ZNF296: variants seen among roughly 807,000 people sequenced by gnomAD.
The protein encoded by ZNF296 is zinc finger protein 296.
ZNF296 carries 1 observed loss-of-function variant against 13.2 expected under a neutral mutation model. The observed-to-expected ratio is 0.08, with a 90% confidence interval of 0.03 to 0.36. The LOEUF is 0.36. Ranked by LOEUF, ZNF296 falls within the 10% of genes least tolerant of loss-of-function variation. ZNF296 has a pLI of 0.99. For synonymous variants in ZNF296, 303 were observed against 289.0 expected (o/e 1.05, Z -0.49); for missense variants, 555 against 688.2 (o/e 0.81, Z 2.16).
At chr19:45,072,973 A>ATCC in intron 2 of ZNF296, among the ~76,000 whole-genome samples, 1 of 152,062 alleles carries the variant, frequency 6.6e-6, no homozygotes, top group Admixed American at 6.5e-5. Flanking sequence ...GCTGGTCTCG[A>ATCC]ACTCTTGGCC....
chr19:45,074,459 C>T (rs147075075), intron 2 of ZNF296, among the ~76,000 whole-genome samples: 1 of 152,132 alleles, frequency 6.6e-6, no homozygotes, highest in African/African-American at 2.4e-5. Flanking sequence ...TCAAATTGAG[C>T]CCCCAAACCT....
intron 2 of ZNF296, 116 bp from the exon 3 acceptor site, chr19:45,072,696 T>G: frequency 7.7e-7 from 1 of 1,305,994 alleles, no homozygotes; most frequent in Non-Finnish European, 1.0e-6. Flanking sequence ...ACACACACCC[T>G]GGAAGGACCA....
intron 2 of ZNF296, 62 bp from the exon 3 acceptor site, chr19:45,072,642 G>T: frequency 1.3e-6 from 2 of 1,522,284 alleles, no homozygotes; most frequent in East Asian, 4.5e-5. Flanking sequence ...CCTTCTGTGG[G>T]ATAGGCACTC....
In ZNF296 at chr19:45,071,575, G is replaced by T. The variant is rs774175373; in HGVS notation, c.*26C>A. ...CAATGGGTGTTGGCAGCGGTACCAG[G>T]GACAGTGAGGGGGGCTTTCCTGGGC... On this transcript the variant is annotated 3_prime_UTR_variant, in exon 3 of 3. Transcript: ENST00000303809. 24 of 1,504,888 alleles carry T rather than the reference G, an allele frequency of 1.6e-5. No homozygotes were observed. Among genetic ancestry groups the T allele is most frequent in the Non-Finnish European group, 2.0e-5 (23 of 1,136,598 alleles). The allele number at this position is 1,504,888 out of a possible 1,614,324, so 93.2% of individuals were successfully genotyped here. A position where few individuals can be genotyped will look rare whatever the true frequency, so the allele number is the denominator to read the frequency against.
chr19:45,073,113 TGCTGAGCCATG>T (rs1967286813), intron 2 of ZNF296, among the ~76,000 whole-genome samples: 1 of 152,116 alleles, frequency 6.6e-6, no homozygotes, highest in African/African-American at 2.4e-5. Context: ...ACATGCTAGG[TGCTGAGCCATG>T]GCTCATAGCC....
Position 45,072,341 on chromosome 19 carries a change from T to C in ZNF296, c.688A>G (p.Ser230Gly), listed in dbSNP as rs1967271726. 1.2e-6 allele frequency: 2 copies of C among 1,612,672 alleles called. No homozygotes were observed. The highest frequency in any genetic ancestry group is 1.3e-5 in the African/African-American group (1 of 74,910). ...RASGSGLTRR[S>G]PTCPVCKKTL... ...TTCTTGCACACAGGACAGGTGGGGC[T>C]CCGCCGGGTGAGGCCGCTGCCACTT... is the stretch of plus-strand genomic sequence containing the variant. Residue 230 changes from serine to glycine, a missense_variant, in exon 3 of 3, where the codon AGC (serine) becomes GGC (glycine). By Grantham distance (56) the Ser-to-Gly change is moderately conservative (BLOSUM62 0). Around this residue, in one of 3 missense-constraint regions of ZNF296, gnomAD observed 410 missense variants for 548.0 expected, o/e 0.75. Coordinates refer to ENST00000303809, the MANE Select transcript of ZNF296 (RefSeq NM_145288.3).
In ZNF296 at chr19:45,072,696, T is replaced by C. The variant is rs978746751; in HGVS notation, c.449-116A>G. ...TGGCAGTAACAAGACACACACACCC[T>C]GGAAGGACCAGGAAGCTGACGCTCA... On this transcript the variant is annotated intron_variant, in intron 2 of 2. Transcript: ENST00000303809. The C allele has an allele frequency of 3.2e-5, 42 of 1,305,876 alleles. No individual in the cohort carries two copies. In the African/African-American group the frequency reaches 4.5e-4, roughly 14 times the overall value. 80.9% of individuals were successfully genotyped at this position (1,305,876 alleles called of 1,614,324 possible).
Position 45,073,556 on chromosome 19 carries a change from C to T in ZNF296, c.449-976G>A, listed in dbSNP as rs1967292929. Among the ~76,000 whole-genome samples the T allele has an allele frequency of 2.0e-5, 3 of 150,734 alleles. No individual in the cohort carries two copies. In the South Asian group the frequency reaches 6.3e-4, roughly 32 times the overall value. On this transcript the variant is annotated intron_variant, in intron 2 of 2. Coordinates refer to ENST00000303809, the MANE Select transcript of ZNF296 (RefSeq NM_145288.3). ...GCGATCTCCTGACCTCATGATCTGC[C>T]CGCCTCAGCCTCCCAAAGTGCTGGG...
Position 45,072,567 on chromosome 19 carries a change from C to T in ZNF296, c.462G>A (p.Leu154=). ...SRGQGSEREE[L]KALSCLRCGK... is the part of the protein sequence containing the mutation. ...CACAGCGCAGGCAGCTCAAGGCCTT[C>T]AGCTCCTCTCGTTCTGGTAAGAAAA... The change falls in exon 3 of 3, where the codon CTG becomes CTA. Residue 154 remains leucine, a synonymous_variant. Transcript: ENST00000303809. The T allele has an allele frequency of 6.3e-7, 1 of 1,598,748 alleles. No individual in the cohort carries two copies. The highest frequency in any genetic ancestry group is 1.7e-4 in the Middle Eastern group (1 of 5,982).
intron 2 of ZNF296, 129 bp downstream of exon 2, chr19:45,075,584 T>G (rs559826783): frequency 0.011 from 10,633 of 933,978 alleles, 68 homozygotes; most frequent in Non-Finnish European, 0.013. Context: ...TGGCCACGCC[T>G]AGGCTGCACC....
chr19:45,072,007 C>A lies in ZNF296; in HGVS notation c.1022G>T (p.Ser341Ile). The A allele has an allele frequency of 4.3e-6, 7 of 1,613,206 alleles. No homozygotes were observed. Among genetic ancestry groups the A allele is most frequent in the Non-Finnish European group, 5.9e-6 (7 of 1,180,012 alleles). The change falls in exon 3 of 3, where the codon AGT (serine) becomes ATT (isoleucine). Residue 341 changes from serine (S) to isoleucine (I), a missense_variant. Ser to Ile is a moderately radical substitution (Grantham distance 142, BLOSUM62 -2). Transcript: ENST00000303809. ...AGVQEPGAPG[S>I]GAQAGPGGDT... is the part of the protein sequence containing the mutation. ...TCCACCAGGGCCGGCTTGAGCCCCA[C>A]TGCCAGGAGCCCCGGGTTCCTGGAC...
rs1967263297 is a variant in ZNF296, at chr19:45,071,956, T to C, written c.1073A>G (p.Glu358Gly). The change falls in exon 3 of 3, where the codon GAA becomes GGA. Residue 358 changes from glutamate (E) to glycine (G), a missense_variant. Transcript: ENST00000303809. ...GGDTWGAITT[E>G]QRTDPANSQK... Reference sequence around the variant, plus strand: ...GCTGTTTGCAGGGTCAGTTCTTTGTTCCGTGGTGATGGCTCCCCAAGTGTC... The same window carrying C: ...GCTGTTTGCAGGGTCAGTTCTTTGTCCCGTGGTGATGGCTCCCCAAGTGTC... 1 of 1,613,570 alleles carries C rather than the reference T, an allele frequency of 6.2e-7. No homozygotes were observed. Among genetic ancestry groups the C allele is most frequent in the Non-Finnish European group, 8.5e-7 (1 of 1,180,016 alleles).
At position 45,076,229 on chromosome 19, in the gene ZNF296, C is replaced by T. The variant is rs1198364353; in HGVS notation, c.145G>A (p.Gly49Arg). 14 of 1,509,414 alleles carry T rather than the reference C, an allele frequency of 9.3e-6. No individual in the cohort carries two copies. The highest frequency in any genetic ancestry group is 1.1e-5 in the Non-Finnish European group (13 of 1,133,260). The allele number at this position is 1,509,414 out of a possible 1,614,324, so 93.5% of individuals were successfully genotyped here. A position where few individuals can be genotyped will look rare whatever the true frequency, so the allele number is the denominator to read the frequency against. Residue 49 changes from glycine to arginine, a missense_variant, in exon 1 of 3, where the codon GGG (glycine) becomes AGG (arginine). This residue lies in a region of ZNF296 where 137 missense variants were observed against 121.9 expected (regional missense o/e 1.12). Coordinates refer to ENST00000303809, the MANE Select transcript of ZNF296 (RefSeq NM_145288.3). The surrounding 1 kb of genome is among the most constrained non-coding windows in gnomAD (Gnocchi z 4.9). ...DAQPQQAPRL[G>R]PFSPKEVSSA... ...GACACCTCCTTCGGGGAGAAGGGCC[C>T]CAGCCTTGGGGCCTGTTGGGGCTGC...
Position 45,072,118 on chromosome 19 carries a change from G to C in ZNF296, c.911C>G (p.Pro304Arg). Residue 304 changes from proline to arginine, a missense_variant, in exon 3 of 3, where the codon CCG becomes CGG. Pro to Arg is a moderately radical substitution (Grantham distance 103). Coordinates refer to ENST00000303809, the MANE Select transcript of ZNF296 (RefSeq NM_145288.3). ...GGCAGCAGCATGGACAGCCGGCTCC[G>C]GAGGGGCTGCAGAGGCCTGCTCCTG... The part of the protein sequence containing the change: ...TSQEQASAAP[P>R]EPAVHAAAPT... 1.9e-6 allele frequency: 3 copies of C among 1,608,092 alleles called. No individual in the cohort carries two copies. Among genetic ancestry groups the C allele is most frequent in the Non-Finnish European group, 2.5e-6 (3 of 1,176,994 alleles).
intron 2 of ZNF296, among the ~76,000 whole-genome samples, chr19:45,073,808 G>A (rs925887339): frequency 6.6e-6 from 1 of 151,464 alleles, no homozygotes; most frequent in African/African-American, 2.4e-5. Flanking sequence ...TTGATCTCTT[G>A]AGGTCAGGGA....
chr19:45,073,878 C>T (rs1568426149), intron 2 of ZNF296, among the ~76,000 whole-genome samples: 2 of 150,956 alleles, frequency 1.3e-5, no homozygotes, highest in African/African-American at 2.4e-5. Context: ...AAAAAATAGC[C>T]GGGTGTGGTG....
chr19:45,075,566 G>T, intron 2 of ZNF296, 147 bp downstream of exon 2: 1 of 544,656 alleles, frequency 1.8e-6, no homozygotes, highest in Non-Finnish European at 2.8e-6. Context: ...CCTAGGACGG[G>T]CAGGCCCTGG....
chr19:45,071,711 G>A lies in ZNF296; in HGVS notation c.1318C>T (p.Pro440Ser). The A allele has an allele frequency of 6.3e-7, 1 of 1,597,246 alleles. No homozygotes were observed. Among genetic ancestry groups the A allele is most frequent in the South Asian group, 1.1e-5 (1 of 88,860 alleles). ...GGGCACTCGAAGCGGGTGCTGCCAG[G>A]CGTCATGCCGTGCATGCGGCGGTGG... ...NRHRRMHGMT[P>S]GSTRFECPHC... Residue 440 changes from proline to serine, a missense_variant, in exon 3 of 3, where the codon CCT becomes TCT. Pro to Ser is a moderately conservative substitution (Grantham distance 74). Transcript: ENST00000303809.
intron 2 of ZNF296, 43 bp from the exon 3 acceptor site, chr19:45,072,623 A>T: frequency 1.3e-6 from 2 of 1,540,046 alleles, no homozygotes; most frequent in Non-Finnish European, 1.7e-6. Context: ...GACAGCTGCC[A>T]GCTGGACACC....
Sources: gnomAD v4.1 joint callset for allele counts (sites outside exome capture counted in the v4.1 genomes callset) on GRCh38, gnomAD v4.1.1 for gene constraint, gnomAD v4.1.1 regional missense constraint, Gnocchi (gnomAD v3.1) non-coding constraint, MANE v1.5 for transcripts, NCBI Gene and HGNC (gene_info 2026-07-23, HGNC 2026-07-21) for gene names.